SEPTIN9: variants seen among roughly 807,000 people sequenced by gnomAD.
The protein encoded by SEPTIN9 is septin 9.
A neutral mutation model predicts 56.6 loss-of-function variants in SEPTIN9; 13 were observed. The observed-to-expected ratio is 0.23, with a 90% CI of 0.15 to 0.37. SEPTIN9 has a LOEUF of 0.37. Among genes scored for constraint, SEPTIN9 ranks in the 10% least tolerant of loss-of-function variants. The probability of loss-of-function intolerance (pLI) is 1.00; values close to 1 mark genes in which losing one functional copy is unlikely to be tolerated. For missense variants in SEPTIN9, 650 were observed against 823.1 expected, an observed-to-expected ratio of 0.79 and a Z score of 2.57; for synonymous variants, 332 against 334.1, an observed-to-expected ratio of 0.99 and a Z score of 0.07.
intron 3 of SEPTIN9, among the ~76,000 whole-genome samples, chr17:77,422,973 C>T (rs1279562409): frequency 6.6e-6 from 1 of 152,166 alleles, no homozygotes; most frequent in Non-Finnish European, 1.5e-5. Context: ...CTGGGATCTG[C>T]ATCAGGATTA....
rs2037287565 is a variant in SEPTIN9 at position 77,435,022 on chromosome 17, C to T, written c.721+32319C>T. 6.6e-6 allele frequency among the ~76,000 whole-genome samples: 1 copy of T among 152,156 alleles called. No individual in the cohort carries two copies. The highest frequency in any genetic ancestry group is 2.1e-4 in the South Asian group (1 of 4,834). On this transcript the variant is annotated intron_variant, in intron 3 of 11. Transcript: ENST00000427177. The surrounding 1 kb of genome is among the most constrained non-coding windows in gnomAD (Gnocchi z 4.5). ...TGTCCGATGATGGTAACAAGGGCTT[C>T]CTGAGGACCCCGAGCTGTCTTAAGG...
intron 3 of SEPTIN9, among the ~76,000 whole-genome samples, chr17:77,439,972 G>T (rs2037485383): frequency 1.3e-5 from 2 of 152,214 alleles, no homozygotes; most frequent in South Asian, 4.2e-4. Context: ...ATCTGAGCAG[G>T]CAGGGCCTGT....
intron 7 of SEPTIN9, among the ~76,000 whole-genome samples, chr17:77,489,786 T>A (rs1261362830): frequency 1.3e-5 from 2 of 152,148 alleles, no homozygotes; most frequent in African/African-American, 4.8e-5. Context: ...TCATCCTCTG[T>A]GGGCCAGCAG....
In SEPTIN9 at chr17:77,433,334, G is replaced by A. The variant is rs114381509; in HGVS notation, c.721+30631G>A. On this transcript the variant is annotated intron_variant, in intron 3 of 11. Coordinates refer to ENST00000427177, the MANE Select transcript of SEPTIN9 (RefSeq NM_001113491.2). The surrounding 1 kb of genome is among the most constrained non-coding windows in gnomAD (Gnocchi z 6.4). Reference sequence around the variant, plus strand: ...GCCATTGCCTGAGACCCGACCTGGTGGCTCCTGCCCCAAGGAGCAGAAAGG... The same window carrying A: ...GCCATTGCCTGAGACCCGACCTGGTAGCTCCTGCCCCAAGGAGCAGAAAGG... Among the ~76,000 whole-genome samples the A allele has an allele frequency of 0.011, 1,608 of 152,154 alleles. 23 individuals are homozygous for A. The highest frequency in any genetic ancestry group is 0.033 in the African/African-American group (1,384 of 41,502).
chr17:77,488,152 C>A, intron 5 of SEPTIN9, 88 bp from the exon 6 acceptor site: 1 of 1,227,234 alleles, frequency 8.1e-7, no homozygotes, highest in Non-Finnish European at 1.2e-6. Context: ...CGCTGCCTAC[C>A]TGGGGTTGCC....
In SEPTIN9 at chr17:77,429,973, C is replaced by A. The variant is rs1262318015; in HGVS notation, c.721+27270C>A. On this transcript the variant is annotated intron_variant, in intron 3 of 11. Transcript: ENST00000427177. The surrounding 1 kb of genome is among the most constrained non-coding windows in gnomAD (Gnocchi z 5.2). ...ACTGGCTTCCCTGTAGGACAGCAGACCCTGGGGGTTGGCTCTGATGGTATT... is the reference window on the plus strand; with the variant it reads ...ACTGGCTTCCCTGTAGGACAGCAGAACCTGGGGGTTGGCTCTGATGGTATT... Among the ~76,000 whole-genome samples, 2 of 152,168 alleles carry A rather than the reference C, an allele frequency of 1.3e-5. No homozygotes were observed. The highest frequency in any genetic ancestry group is 4.8e-5 in the African/African-American group (2 of 41,416).
chr17:77,418,710 C>A (rs2036589558), intron 3 of SEPTIN9, among the ~76,000 whole-genome samples: 1 of 152,160 alleles, frequency 6.6e-6, no homozygotes, highest in Non-Finnish European at 1.5e-5. Context: ...CCTCACGGCC[C>A]ATTGATGTCT....
At position 77,453,883 on chromosome 17, in the gene SEPTIN9, C is replaced by A; in HGVS notation, c.722-28261C>A. On this transcript the variant is annotated intron_variant, in intron 3 of 11. Coordinates refer to ENST00000427177, the MANE Select transcript of SEPTIN9 (RefSeq NM_001113491.2). The surrounding 1 kb of genome is among the most constrained non-coding windows in gnomAD (Gnocchi z 4.4). ...CGTCCTTAGGAGCCCCTTCTCCCTG[C>A]CCCCAGGCCTGGTGCAGTGTGTGGC... is the stretch of plus-strand genomic sequence containing the variant. 5.2e-6 allele frequency: 1 copy of A among 190,868 alleles called. No homozygotes were observed. Among genetic ancestry groups the A allele is most frequent in the Non-Finnish European group, 9.7e-6 (1 of 103,344 alleles). The allele number at this position is 190,868 out of a possible 1,614,324, so 11.8% of individuals were successfully genotyped here.
chr17:77,352,776 C>T (rs974128574), intron 2 of SEPTIN9, among the ~76,000 whole-genome samples: 1 of 152,148 alleles, frequency 6.6e-6, no homozygotes, highest in Non-Finnish European at 1.5e-5. Flanking sequence ...GCAATCCTCC[C>T]ACCTCAGCCT....
intron 10 of SEPTIN9, among the ~76,000 whole-genome samples, chr17:77,493,765 C>CTT (rs35829686): frequency 1.7e-4 from 19 of 111,452 alleles, no homozygotes; most frequent in South Asian, 3.0e-4. Flanking sequence ...CCTCCTCTTC[C>CTT]TTTTTTTTTT....
chr17:77,332,591 T>C (rs1231714466), intron 2 of SEPTIN9, among the ~76,000 whole-genome samples: 2 of 152,238 alleles, frequency 1.3e-5, no homozygotes, highest in Non-Finnish European at 2.9e-5. Context: ...TTCCGTTCTT[T>C]GAATTTTAAC....
At chr17:77,440,695 G>A (rs950762829) in intron 3 of SEPTIN9, among the ~76,000 whole-genome samples, 5 of 152,230 alleles carry the variant, frequency 3.3e-5, no homozygotes, top group African/African-American at 9.6e-5. Flanking sequence ...TCATCCGCTG[G>A]GCGCCCGCAC....
chr17:77,346,676 C>T (rs2033904067), intron 2 of SEPTIN9, among the ~76,000 whole-genome samples: 1 of 152,096 alleles, frequency 6.6e-6, no homozygotes, highest in East Asian at 1.9e-4. Context: ...AGCTTTATAA[C>T]TGCTGATTAG....
At chr17:77,448,208 C>T (rs940375294) in intron 3 of SEPTIN9, among the ~76,000 whole-genome samples, 1 of 152,154 alleles carries the variant, frequency 6.6e-6, no homozygotes, top group African/African-American at 2.4e-5. Flanking sequence ...CGTGGTGGCT[C>T]ACGCGTGTAA....
chr17:77,477,689 T>A lies in SEPTIN9; in HGVS notation c.722-4455T>A, dbSNP rs1040061584. The stretch of plus-strand genomic sequence containing the variant: ...GAGGGAGGTCAGGAGGTGCATGGCC[T>A]GTTTGCCAGGCTGGAGAGACTTGCA... On this transcript the variant is annotated intron_variant, in intron 3 of 11. Transcript: ENST00000427177. 3.4e-4 allele frequency among the ~76,000 whole-genome samples: 52 copies of A among 152,158 alleles called. 1 individual carries two copies. Among genetic ancestry groups the A allele is most frequent in the Non-Finnish European group, 1.2e-4 (8 of 68,028 alleles).
At chr17:77,349,816 TAGC>T (rs2034001259) in intron 2 of SEPTIN9, among the ~76,000 whole-genome samples, 1 of 152,234 alleles carries the variant, frequency 6.6e-6, no homozygotes, top group South Asian at 2.1e-4. Context: ...ATTGACCAGA[TAGC>T]AGCTACTCTC....
At chr17:77,287,857 C>T (rs558069042) in intron 1 of SEPTIN9, 80 of 1,020,590 alleles carry the variant, frequency 7.8e-5, no homozygotes, top group African/African-American at 2.4e-4. Flanking sequence ...ACAGGAGTGG[C>T]GCAGGGAATG....
chr17:77,499,031 G>A lies in SEPTIN9; in HGVS notation c.*373G>A, dbSNP rs139898898. Reference sequence around the variant, plus strand: ...GGCCTTGGGGTGGGGGCCAGGCCTCGCACTTGCAGAGGAGCCCAGTGGGCT... The same window carrying A: ...GGCCTTGGGGTGGGGGCCAGGCCTCACACTTGCAGAGGAGCCCAGTGGGCT... On this transcript the variant is annotated 3_prime_UTR_variant, in exon 12 of 12. Coordinates refer to ENST00000427177, the MANE Select transcript of SEPTIN9 (RefSeq NM_001113491.2). 3.2e-3 allele frequency: 1,714 copies of A among 538,556 alleles called. 29 individuals carry two copies. Among genetic ancestry groups the A allele is most frequent in the African/African-American group, 0.027 (1,460 of 54,062 alleles). The allele number at this position is 538,556 out of a possible 1,614,324, so 33.4% of individuals were successfully genotyped here.
intron 2 of SEPTIN9, among the ~76,000 whole-genome samples, chr17:77,368,775 A>C (rs1165313944): frequency 1.3e-5 from 2 of 152,254 alleles, no homozygotes; most frequent in Non-Finnish European, 2.9e-5. Context: ...TTTAAAACAA[A>C]AGATAATAAA....
Sources: gnomAD v4.1 joint callset for allele counts (sites outside exome capture counted in the v4.1 genomes callset) on GRCh38, gnomAD v4.1.1 for gene constraint, Gnocchi (gnomAD v3.1) non-coding constraint, MANE v1.5 for transcripts, NCBI Gene and HGNC (gene_info 2026-07-23, HGNC 2026-07-21) for gene names.